Variants in DOCK1 observed in about 807,000 individuals in gnomAD.
DOCK1 encodes the protein dedicator of cytokinesis 1.
A neutral mutation model predicts 262.7 loss-of-function variants in DOCK1; 138 were observed. The observed-to-expected ratio is 0.53, with a 90% CI of 0.46 to 0.61. The LOEUF (loss-of-function observed/expected upper bound fraction) is 0.61, where lower values mean the gene tolerates loss of function less well. DOCK1 is among the 20% of genes least tolerant of loss of function. The pLI is 0.00. For synonymous variants in DOCK1, 866 were observed against 867.4 expected (o/e 1.00, Z 0.03); for missense variants, 1,908 against 2,370.7 (o/e 0.80, Z 4.05).
chr10:127,120,806 T>C (rs564059918), intron 25 of DOCK1, among the ~76,000 whole-genome samples: 35 of 152,322 alleles, frequency 2.3e-4, no homozygotes, highest in Admixed American at 1.8e-3. Context: ...GAAGTTTCCA[T>C]GTTGGGTATC....
chr10:127,305,295 C>A (rs2061833043), intron 29 of DOCK1, among the ~76,000 whole-genome samples: 1 of 152,130 alleles, frequency 6.6e-6, no homozygotes, highest in South Asian at 2.1e-4. Context: ...TGAAACCCAT[C>A]GACTTTGGGA....
chr10:127,017,252 C>T, intron 12 of DOCK1, among the ~76,000 whole-genome samples: 1 of 142,110 alleles, frequency 7.0e-6, no homozygotes, highest in East Asian at 2.1e-4. Flanking sequence ...CAGACAGCCC[C>T]TTCCACTCAG....
At chr10:127,000,464 C>T in intron 10 of DOCK1, 157 bp downstream of exon 10, 5 of 1,149,882 alleles carry the variant, frequency 4.3e-6, no homozygotes, top group Non-Finnish European at 5.9e-6. Flanking sequence ...TTCATTGTGG[C>T]TTCAAGTTGA....
At chr10:127,236,085 T>G (rs1324327481) in intron 27 of DOCK1, among the ~76,000 whole-genome samples, 1 of 152,166 alleles carries the variant, frequency 6.6e-6, no homozygotes, top group Non-Finnish European at 1.5e-5. Flanking sequence ...ACTTTCTGTA[T>G]AGTGTCATTC....
intron 1 of DOCK1, among the ~76,000 whole-genome samples, chr10:126,911,386 C>A (rs1465681365): frequency 3.9e-5 from 6 of 152,112 alleles, no homozygotes; most frequent in Admixed American, 3.9e-4. Flanking sequence ...GTCCACTGAG[C>A]TGTGAAATTG....
rs2048791279 is a variant in DOCK1 at position 127,110,348 on chromosome 10, C to T, written c.2617C>T (p.Gln873Ter). 2 of 1,611,188 alleles carry T rather than the reference C, an allele frequency of 1.2e-6. No individual in the cohort carries two copies. The highest frequency in any genetic ancestry group is 1.7e-6 in the Non-Finnish European group (2 of 1,178,204). The change falls in exon 25 of 52, where the codon CAG (glutamine) becomes TAG (stop). Residue 873 changes from glutamine (Q) to a stop codon, truncating the protein, a stop_gained. Transcript: ENST00000623213. LOFTEE classifies it high-confidence loss of function. Reference protein sequence around the residue: ...IEIVHSDLFTQHDCREILLPM... With the variant: ...IEIVHSDLFT The stretch of plus-strand genomic sequence containing the variant: ...AATCGTCCACAGTGACCTCTTCACA[C>T]AGCATGGTGAGTGGAACCCCAAGAA...
At chr10:127,142,385 G>A (rs1435277431) in intron 27 of DOCK1, among the ~76,000 whole-genome samples, 1 of 152,172 alleles carries the variant, frequency 6.6e-6, no homozygotes, top group East Asian at 1.9e-4. Flanking sequence ...AGGTGGTGCT[G>A]CTGCCCTCCT....
intron 23 of DOCK1, among the ~76,000 whole-genome samples, chr10:127,104,117 G>T (rs2048402673): frequency 2.0e-5 from 3 of 152,088 alleles, no homozygotes; most frequent in Non-Finnish European, 4.4e-5. Context: ...TGCAGGGAGG[G>T]GAAGATTGTT....
chr10:127,386,746 C>T (rs891814209), intron 38 of DOCK1, among the ~76,000 whole-genome samples: 1 of 152,020 alleles, frequency 6.6e-6, no homozygotes, highest in Non-Finnish European at 1.5e-5. Flanking sequence ...ATGTAATGCC[C>T]GTGAATCATC....
chr10:127,451,475 T>C lies in DOCK1; in HGVS notation c.*48T>C. The C allele has an allele frequency of 6.4e-7, 1 of 1,550,400 alleles. No individual in the cohort carries two copies. On this transcript the variant is annotated 3_prime_UTR_variant, in exon 52 of 52. Transcript: ENST00000623213. Reference sequence around the variant, plus strand: ...AGTGTGCTGCCCCTCCCCATCTCCATGCCCTCTCCTTCTGTGTCCCCTGAG... The same window carrying C: ...AGTGTGCTGCCCCTCCCCATCTCCACGCCCTCTCCTTCTGTGTCCCCTGAG...
At chr10:127,341,561 T>A (rs1401934025) in intron 30 of DOCK1, among the ~76,000 whole-genome samples, 1 of 152,244 alleles carries the variant, frequency 6.6e-6, no homozygotes, top group African/African-American at 2.4e-5. Context: ...TATTTAAGTA[T>A]TTGTTTTGCC....
chr10:127,298,495 TCTC>T, intron 29 of DOCK1, among the ~76,000 whole-genome samples: 1 of 152,308 alleles, frequency 6.6e-6, no homozygotes, highest in East Asian at 1.9e-4. Flanking sequence ...ATCCTTCAGT[TCTC>T]CTTGAGTGAG....
chr10:127,420,578 G>A (rs2068442240), intron 46 of DOCK1, among the ~76,000 whole-genome samples: 1 of 152,146 alleles, frequency 6.6e-6, no homozygotes, highest in Non-Finnish European at 1.5e-5. Context: ...GTTTGGACCA[G>A]GTGTCGTAGC....
intron 28 of DOCK1, among the ~76,000 whole-genome samples, chr10:127,250,743 G>A (rs993077592): frequency 7.4e-5 from 10 of 134,634 alleles, no homozygotes; most frequent in African/African-American, 2.9e-4. Context: ...AGTGAGCCGA[G>A]ATCGGGCCAC....
chr10:127,189,918 C>T (rs926992583), intron 27 of DOCK1, among the ~76,000 whole-genome samples: 6 of 152,160 alleles, frequency 3.9e-5, no homozygotes, highest in African/African-American at 7.2e-5. Flanking sequence ...GTTGAAGTCA[C>T]GACGTCAAAT....
chr10:127,428,796 ATGTGGATTGGGGTGCCG>A (rs1304338635), intron 47 of DOCK1, among the ~76,000 whole-genome samples: 38 of 103,492 alleles, frequency 3.7e-4, no homozygotes, highest in South Asian at 7.4e-4. Flanking sequence ...GGACTGTGTC[ATGTGGATTGGGGTGCCG>A]TGTGGATTGG....
chr10:127,054,442 C>G (rs964952630), intron 22 of DOCK1, among the ~76,000 whole-genome samples: 4 of 152,282 alleles, frequency 2.6e-5, no homozygotes, highest in African/African-American at 9.6e-5. Context: ...ATATTACACT[C>G]TTTTATTTTG....
intron 1 of DOCK1, among the ~76,000 whole-genome samples, chr10:126,930,227 A>G (rs1452155157): frequency 6.6e-6 from 1 of 152,028 alleles, no homozygotes; most frequent in Non-Finnish European, 1.5e-5. Context: ...GGTTCTTTCC[A>G]CCTTTTGGCT....
At chr10:127,061,869 C>T in intron 23 of DOCK1, 93 bp downstream of exon 23, 3 of 887,238 alleles carry the variant, frequency 3.4e-6, no homozygotes, top group South Asian at 3.6e-5. Flanking sequence ...AGTTAATTAA[C>T]TTGCCCCAAA....
Sources: allele counts gnomAD v4.1 joint callset (sites outside exome capture counted in the v4.1 genomes callset), GRCh38; gene constraint gnomAD v4.1.1; transcripts MANE v1.5; gene names NCBI Gene and HGNC (gene_info 2026-07-23, HGNC 2026-07-21).